Variants in NEK10 observed in about 807,000 individuals in gnomAD.
NEK10 encodes serine/threonine-protein kinase Nek10.
NEK10 carries 122 observed loss-of-function variants against 159.8 expected under a neutral mutation model. The ratio of observed to expected loss-of-function variants is 0.76; its 90% CI spans 0.66 to 0.89. The LOEUF (loss-of-function observed/expected upper bound fraction) is 0.89, where lower values mean the gene tolerates loss of function less well. NEK10 is among the 40% of genes least tolerant of loss of function. NEK10 has a pLI of 0.00. For synonymous variants in NEK10, 466 were observed against 457.1 expected (o/e 1.02, Z -0.25); for missense variants, 1,342 against 1,323.1 (o/e 1.01, Z -0.22).
intron 33 of NEK10, among the ~76,000 whole-genome samples, chr3:27,118,858 G>A (rs543382172): frequency 8.5e-5 from 13 of 152,294 alleles, no homozygotes; most frequent in Non-Finnish European, 1.9e-4. Context: ...AGGAAAGTTT[G>A]TCAATTAATT....
chr3:27,198,142 T>C (rs570809291), intron 25 of NEK10, among the ~76,000 whole-genome samples: 3 of 152,012 alleles, frequency 2.0e-5, no homozygotes, highest in South Asian at 4.2e-4. Flanking sequence ...CACAAACAAA[T>C]GGAAAAATAC....
intron 23 of NEK10, among the ~76,000 whole-genome samples, chr3:27,220,193 G>C (rs1208401198): frequency 6.6e-6 from 1 of 152,170 alleles, no homozygotes; most frequent in Non-Finnish European, 1.5e-5. Context: ...CAGTGGTTTA[G>C]AACACACATC....
chr3:27,288,131 A>G (rs964167011), intron 19 of NEK10, among the ~76,000 whole-genome samples: 1 of 152,324 alleles, frequency 6.6e-6, no homozygotes, highest in Middle Eastern at 3.4e-3. Context: ...TTGACTACAA[A>G]TATTCATTGT....
Position 27,174,864 on chromosome 3 carries a change from T to A in NEK10, c.2506-31A>T, listed in dbSNP as rs1947352686. The A allele has an allele frequency of 3.9e-6, 6 of 1,519,630 alleles. No homozygotes were observed. In the East Asian group the frequency reaches 1.4e-4, roughly 34 times the overall value. 94.1% of individuals were successfully genotyped at this position (1,519,630 alleles called of 1,614,324 possible). ...AAGAGAAATTCAGTTTTTCATAGCC[T>A]CTTTCTCTATCCTTCCTTCTATAGG... On this transcript the variant is annotated intron_variant, in intron 26 of 35. Coordinates refer to ENST00000691995, the MANE Select transcript of NEK10 (RefSeq NM_001394966.1).
chr3:27,272,050 T>C (rs1559402683), intron 22 of NEK10, among the ~76,000 whole-genome samples: 1 of 152,192 alleles, frequency 6.6e-6, no homozygotes, highest in East Asian at 1.9e-4. Flanking sequence ...TACCTTACTG[T>C]TTGCAAAGGA....
chr3:27,319,994 C>T (rs755586501), intron 6 of NEK10, among the ~76,000 whole-genome samples: 9 of 152,166 alleles, frequency 5.9e-5, no homozygotes, highest in Non-Finnish European at 8.8e-5. Context: ...TGGCGTAAGT[C>T]GCAAGTTGTA....
At chr3:27,225,366 T>C (rs1271330577) in intron 23 of NEK10, among the ~76,000 whole-genome samples, 2 of 152,218 alleles carry the variant, frequency 1.3e-5, no homozygotes, top group African/African-American at 4.8e-5. Flanking sequence ...CAATACTTTG[T>C]ATCCTTCAAT....
intron 23 of NEK10, among the ~76,000 whole-genome samples, chr3:27,230,147 AC>A (rs1953087571): frequency 6.6e-6 from 1 of 152,020 alleles, no homozygotes; most frequent in Non-Finnish European, 1.5e-5. Flanking sequence ...ATAAAGAGAA[AC>A]CGATCAGACT....
intron 23 of NEK10, chr3:27,206,476 A>T: frequency 2.0e-6 from 1 of 494,558 alleles, no homozygotes; most frequent in Non-Finnish European, 2.6e-6. Context: ...TTGCAATATT[A>T]GAAAAAATGG....
At chr3:27,313,573 G>A (rs1042609148) in intron 7 of NEK10, among the ~76,000 whole-genome samples, 1 of 152,146 alleles carries the variant, frequency 6.6e-6, no homozygotes, top group Non-Finnish European at 1.5e-5. Flanking sequence ...CAGGAGGATT[G>A]CTTGGGCCCA....
intron 23 of NEK10, chr3:27,214,980 C>T (rs938631635): frequency 9.1e-5 from 65 of 710,910 alleles, no homozygotes; most frequent in Middle Eastern, 2.8e-4. Flanking sequence ...CCACATCCGC[C>T]AGGCACCGGT....
intron 16 of NEK10, among the ~76,000 whole-genome samples, chr3:27,292,356 T>C (rs537805855): frequency 6.6e-6 from 1 of 152,276 alleles, no homozygotes; most frequent in East Asian, 1.9e-4. Flanking sequence ...ACTCAGATTT[T>C]AGTAAGAAGT....
chr3:27,347,575 T>A (rs1197451392), intron 3 of NEK10, among the ~76,000 whole-genome samples: 3 of 151,352 alleles, frequency 2.0e-5, no homozygotes, highest in African/African-American at 7.3e-5. Context: ...CTTTTTATAA[T>A]GTCAGCTTAC....
At chr3:27,146,213 T>A (rs1944283275) in intron 30 of NEK10, among the ~76,000 whole-genome samples, 2 of 152,178 alleles carry the variant, frequency 1.3e-5, no homozygotes, top group Non-Finnish European at 2.9e-5. Flanking sequence ...TAGTTGCCCA[T>A]CCCTGGTGCT....
At position 27,109,698 on chromosome 3, in the gene NEK10, G is replaced by A. The variant is rs2125385569; in HGVS notation, c.*1574C>T. ...TATAAGTGCAGGTTCAAATTAACTTGGAACAGAAATAAAATTTTGCCTGGG... is the reference window on the plus strand; with the variant it reads ...TATAAGTGCAGGTTCAAATTAACTTAGAACAGAAATAAAATTTTGCCTGGG... On this transcript the variant is annotated 3_prime_UTR_variant, in exon 36 of 36. Transcript: ENST00000691995. Among the ~76,000 whole-genome samples, 1 of 152,166 alleles carries A rather than the reference G, an allele frequency of 6.6e-6. No homozygotes were observed. Among genetic ancestry groups the A allele is most frequent in the Non-Finnish European group, 1.5e-5 (1 of 67,998 alleles).
At chr3:27,346,694 G>A (rs370255893) in intron 3 of NEK10, among the ~76,000 whole-genome samples, 3 of 152,268 alleles carry the variant, frequency 2.0e-5, no homozygotes, top group South Asian at 4.1e-4. Context: ...AATTGAGAAT[G>A]AGTCATCATA....
At chr3:27,303,691 A>C (rs1392188483) in intron 12 of NEK10, among the ~76,000 whole-genome samples, 3 of 152,234 alleles carry the variant, frequency 2.0e-5, no homozygotes, top group Non-Finnish European at 4.4e-5. Flanking sequence ...TCATGTCTGT[A>C]CAGTCTATTC....
intron 23 of NEK10, among the ~76,000 whole-genome samples, chr3:27,230,628 C>A (rs148992806): frequency 6.6e-6 from 1 of 151,812 alleles, no homozygotes; most frequent in Admixed American, 6.6e-5. Flanking sequence ...AAGAGACTCA[C>A]CTAACACATA....
chr3:27,195,079 C>G (rs1211359546), intron 25 of NEK10, among the ~76,000 whole-genome samples: 4 of 151,980 alleles, frequency 2.6e-5, no homozygotes, highest in Non-Finnish European at 5.9e-5. Flanking sequence ...GTGAGCTCTA[C>G]TTGACAAGGA....
Sources: allele counts gnomAD v4.1 joint callset (sites outside exome capture counted in the v4.1 genomes callset), GRCh38; gene constraint gnomAD v4.1.1; transcripts MANE v1.5; gene names NCBI Gene and HGNC (gene_info 2026-07-23, HGNC 2026-07-21).